The following ARMC3 variants were observed in gnomAD, a reference collection of about 807,000 sequenced individuals.
ARMC3 encodes armadillo repeat-containing protein 3.
A neutral mutation model predicts 90.3 loss-of-function variants in ARMC3; 74 were observed. The ratio of observed to expected loss-of-function variants is 0.82; its 90% CI spans 0.68 to 0.99. The LOEUF is 0.99. ARMC3 is among the 50% of genes least tolerant of loss of function. The pLI is 0.00. For synonymous variants in ARMC3, 334 were observed against 361.8 expected (o/e 0.92, Z 0.87); for missense variants, 958 against 1,042.8 (o/e 0.92, Z 1.12).
intron 2 of ARMC3, among the ~76,000 whole-genome samples, chr10:22,937,956 A>G (rs1834175899): frequency 6.6e-6 from 1 of 152,206 alleles, no homozygotes; most frequent in Non-Finnish European, 1.5e-5. Context: ...CATCCTGGGC[A>G]TAAAGATGGG....
intron 16 of ARMC3, among the ~76,000 whole-genome samples, chr10:23,014,761 G>A (rs1220297359): frequency 3.9e-5 from 6 of 152,028 alleles, no homozygotes; most frequent in Non-Finnish European, 8.8e-5. Flanking sequence ...GAGAGCACAT[G>A]GACCCATAGA....
chr10:22,972,154 T>C (rs574407787), intron 8 of ARMC3, among the ~76,000 whole-genome samples: 4 of 152,332 alleles, frequency 2.6e-5, no homozygotes, highest in African/African-American at 9.6e-5. Flanking sequence ...TTTACTCTGT[T>C]GATTGTGTGC....
intron 10 of ARMC3, among the ~76,000 whole-genome samples, chr10:22,986,480 A>C (rs943490200): frequency 4.0e-5 from 6 of 148,668 alleles, no homozygotes; most frequent in Non-Finnish European, 8.9e-5. Flanking sequence ...TGAACCCTGT[A>C]GGCAGAGGTT....
chr10:22,946,473 A>G, intron 3 of ARMC3: 1 of 331,668 alleles, frequency 3.0e-6, no homozygotes, highest in East Asian at 5.3e-5. Flanking sequence ...ACTGGGTAGA[A>G]CAGTCATTCT....
chr10:23,037,380 C>A lies in ARMC3; in HGVS notation c.2520C>A (p.Gly840=). ...QNDSRKGVIG[G]LPAPEMYVID... ...ACTCTCGGAAGGGAGTGATTGGGGG[C>A]CTCCCCGCTCCTGAGATGTACGTGA... Residue 840 remains glycine (G), a synonymous_variant, in exon 19 of 19, where the codon GGC becomes GGA. Transcript: ENST00000298032. 1.9e-6 allele frequency: 3 copies of A among 1,613,904 alleles called. No individual in the cohort carries two copies. Among genetic ancestry groups the A allele is most frequent in the South Asian group, 1.1e-5 (1 of 91,054 alleles).
At chr10:22,993,675 A>T (rs924500013) in intron 10 of ARMC3, among the ~76,000 whole-genome samples, 3 of 152,222 alleles carry the variant, frequency 2.0e-5, no homozygotes, top group African/African-American at 7.2e-5. Flanking sequence ...GTACAGACAT[A>T]GCACAGCAGA....
intron 2 of ARMC3, among the ~76,000 whole-genome samples, chr10:22,941,098 C>T (rs767056733): frequency 2.6e-5 from 4 of 152,058 alleles, no homozygotes; most frequent in Non-Finnish European, 4.4e-5. Flanking sequence ...CACAAAGGGT[C>T]CCTATGTAGT....
intron 2 of ARMC3, among the ~76,000 whole-genome samples, chr10:22,942,589 A>C (rs1429334445): frequency 6.6e-6 from 1 of 152,210 alleles, no homozygotes; most frequent in East Asian, 1.9e-4. Context: ...GATAATACCA[A>C]GTGTTGGTGA....
rs56405413 is a variant in ARMC3 at position 22,973,753 on chromosome 10, C to CTTTTTTT, written c.916+5281_916+5287dup. The stretch of plus-strand genomic sequence containing the variant: ...CTCTTGTAATTTTTTCTTTGTCTTT[C>CTTTTTTT]TTTTTTTTTTTTTTTTTTTTTTTGA... On this transcript the variant is annotated intron_variant, in intron 8 of 18. Transcript: ENST00000298032. Among the ~76,000 whole-genome samples, 62 of 79,930 alleles carry CTTTTTTT rather than the reference C, an allele frequency of 7.8e-4. 1 individual carries two copies. The highest frequency in any genetic ancestry group is 1.4e-3 in the African/African-American group (25 of 17,706). 52.4% of individuals were successfully genotyped at this position (79,930 alleles called of 152,430 possible).
At chr10:22,931,655 C>T (rs1833936094) in intron 1 of ARMC3, among the ~76,000 whole-genome samples, 1 of 152,186 alleles carries the variant, frequency 6.6e-6, no homozygotes, top group Non-Finnish European at 1.5e-5. Context: ...TCAAAAGTAA[C>T]TTGGTGGGCT....
intron 16 of ARMC3, among the ~76,000 whole-genome samples, chr10:23,015,003 G>A (rs930936964): frequency 1.3e-5 from 2 of 150,462 alleles, no homozygotes; most frequent in African/African-American, 2.4e-5. Context: ...AGATCATAAA[G>A]GAAAAAAATA....
intron 18 of ARMC3, among the ~76,000 whole-genome samples, chr10:23,033,955 A>G (rs1215157855): frequency 1.3e-5 from 2 of 152,220 alleles, no homozygotes; most frequent in African/African-American, 2.4e-5. Flanking sequence ...GCTCCATCAT[A>G]TCCAGTGTCT....
At chr10:22,972,493 A>G (rs1835721048) in intron 8 of ARMC3, among the ~76,000 whole-genome samples, 1 of 152,180 alleles carries the variant, frequency 6.6e-6, no homozygotes, top group Non-Finnish European at 1.5e-5. Context: ...CTGGCACTTA[A>G]TGTTTTCTGA....
At chr10:22,945,696 A>T (rs1834499121) in intron 2 of ARMC3, among the ~76,000 whole-genome samples, 1 of 152,198 alleles carries the variant, frequency 6.6e-6, no homozygotes, top group South Asian at 2.1e-4. Context: ...GATTGTGTAT[A>T]TTGAGTAAGC....
intron 8 of ARMC3, 21 bp from the exon 9 acceptor site, chr10:22,981,319 T>C: frequency 6.4e-7 from 1 of 1,569,792 alleles, no homozygotes; most frequent in Non-Finnish European, 8.6e-7. Context: ...TCTGAATTTT[T>C]TTCCCTTTGG....
intron 8 of ARMC3, among the ~76,000 whole-genome samples, chr10:22,979,290 C>T (rs1173557379): frequency 2.6e-5 from 4 of 152,124 alleles, no homozygotes; most frequent in African/African-American, 9.7e-5. Flanking sequence ...ACAAATACTC[C>T]TTGGTGTAGC....
chr10:22,945,263 G>T (rs1332210644), intron 2 of ARMC3, among the ~76,000 whole-genome samples: 1 of 152,078 alleles, frequency 6.6e-6, no homozygotes, highest in Non-Finnish European at 1.5e-5. Context: ...GTCTATATAG[G>T]AATGCCAACA....
chr10:23,000,308 T>A (rs1250576745), intron 11 of ARMC3, among the ~76,000 whole-genome samples: 3 of 152,090 alleles, frequency 2.0e-5, no homozygotes. Context: ...TTCCCCCACC[T>A]GATAAATTCC....
At chr10:22,935,506 A>G (rs898514650) in intron 2 of ARMC3, among the ~76,000 whole-genome samples, 1 of 152,198 alleles carries the variant, frequency 6.6e-6, no homozygotes, top group African/African-American at 2.4e-5. Flanking sequence ...CTAGAAGCCT[A>G]TGGCCACTCG....
Sources: allele counts gnomAD v4.1 joint callset (sites outside exome capture counted in the v4.1 genomes callset), GRCh38; gene constraint gnomAD v4.1.1; transcripts MANE v1.5; gene names NCBI Gene and HGNC (gene_info 2026-07-23, HGNC 2026-07-21).